Variants in TACC2 observed in about 807,000 individuals in gnomAD.
The protein encoded by TACC2 is transforming acidic coiled-coil-containing protein 2.
In TACC2, 137 loss-of-function variants were observed where a neutral mutation model predicts 227.3. The observed-to-expected ratio is 0.60, with a 90% confidence interval of 0.52 to 0.69. The LOEUF is 0.69. TACC2 is among the 30% of genes least tolerant of loss of function. The probability of loss-of-function intolerance (pLI) is 0.00; values close to 1 mark genes in which losing one functional copy is unlikely to be tolerated. For synonymous variants in TACC2, 1,523 were observed against 1,487.5 expected, an observed-to-expected ratio of 1.02 and a Z score of -0.55; for missense variants, 3,470 against 3,694.4, an observed-to-expected ratio of 0.94 and a Z score of 1.57.
chr10:122,163,669 A>ACGCCGGCCACACTCGGGCGCG (rs1438044752), intron 7 of TACC2: 58,579 of 1,039,906 alleles, frequency 0.056, 2,099 homozygotes, highest in Non-Finnish European at 0.063. Flanking sequence ...AGAGCCGCGC[A>ACGCCGGCCACACTCGGGCGCG]CGCCGGCCAC....
chr10:122,008,264 A>ATTATTTT lies in TACC2; in HGVS notation c.-45-13671_-45-13670insATTTTTT. 3.0e-3 allele frequency among the ~76,000 whole-genome samples: 399 copies of ATTATTTT among 134,640 alleles called. 1 individual carries two copies. Among genetic ancestry groups the ATTATTTT allele is most frequent in the African/African-American group, 0.011 (391 of 35,596 alleles). The allele number at this position is 134,640 out of a possible 152,430, so 88.3% of individuals were successfully genotyped here. On this transcript the variant is annotated intron_variant, in intron 1 of 22. Transcript: ENST00000369005. ...TCCCTTTGTTATTATTATTATTATTATTTTTTTTTTTTGAGACAGAATTTT... is the reference window on the plus strand; with the variant it reads ...TCCCTTTGTTATTATTATTATTATTATTATTTTTTTTTTTTTTTTGAGACAGAATTTT...
intron 7 of TACC2, among the ~76,000 whole-genome samples, chr10:122,182,891 C>T (rs914775342): frequency 2.0e-5 from 3 of 152,092 alleles, no homozygotes; most frequent in African/African-American, 4.8e-5. Flanking sequence ...AAGATACATT[C>T]GATGTAAACA....
chr10:122,115,889 G>A (rs779429528), intron 5 of TACC2, among the ~76,000 whole-genome samples: 1 of 152,152 alleles, frequency 6.6e-6, no homozygotes, highest in Non-Finnish European at 1.5e-5. Context: ...TAGGAAGCTG[G>A]CAATAAAATC....
intron 1 of TACC2, among the ~76,000 whole-genome samples, chr10:122,010,618 A>G (rs894183635): frequency 6.6e-6 from 1 of 152,158 alleles, no homozygotes; most frequent in Non-Finnish European, 1.5e-5. Flanking sequence ...CACTCAAGGG[A>G]CCATGCCAGT....
chr10:122,143,977 G>A (rs1039912290), intron 7 of TACC2, among the ~76,000 whole-genome samples: 1 of 152,190 alleles, frequency 6.6e-6, no homozygotes, highest in Non-Finnish European at 1.5e-5. Context: ...TGGATAGATG[G>A]ATGGATGATC....
At chr10:122,033,795 C>A (rs1392288681) in intron 2 of TACC2, among the ~76,000 whole-genome samples, 3 of 152,038 alleles carry the variant, frequency 2.0e-5, no homozygotes, top group Admixed American at 6.6e-5. Flanking sequence ...TCCTCACTAG[C>A]CTGCTCTGAA....
chr10:122,231,125 T>G (rs1382288931), intron 16 of TACC2, among the ~76,000 whole-genome samples: 1 of 152,240 alleles, frequency 6.6e-6, no homozygotes, highest in Non-Finnish European at 1.5e-5. Context: ...ATTCCTAGTT[T>G]TAGCATGGAG....
intron 7 of TACC2, chr10:122,163,489 C>A: frequency 1.2e-6 from 1 of 868,236 alleles, no homozygotes; most frequent in Non-Finnish European, 1.4e-6. Context: ...TCCCCACCCC[C>A]AGCCCCGTTT....
At chr10:122,068,188 A>G (rs2077594878) in intron 3 of TACC2, among the ~76,000 whole-genome samples, 1 of 152,026 alleles carries the variant, frequency 6.6e-6, no homozygotes, top group South Asian at 2.1e-4. Flanking sequence ...TCTTTTTTAC[A>G]TCTTCCCTCT....
In TACC2 at chr10:122,215,493, G is replaced by C. The variant is rs182738208; in HGVS notation, c.7344+42G>C. 71 of 1,551,458 alleles carry C rather than the reference G, an allele frequency of 4.6e-5. No individual in the cohort carries two copies. In the South Asian group the frequency reaches 7.0e-4, roughly 15 times the overall value. ...ATCTTGATGGTTTTATGCCCCCCCC[G>C]GGGGAGGTTTTCTTCGCTTGTTGAC... On this transcript the variant is annotated intron_variant, in intron 10 of 22. Coordinates refer to ENST00000369005, the MANE Select transcript of TACC2 (RefSeq NM_206862.4).
At chr10:122,178,729 C>CA (rs571297243) in intron 7 of TACC2, among the ~76,000 whole-genome samples, 9 of 152,050 alleles carry the variant, frequency 5.9e-5, no homozygotes, top group South Asian at 2.1e-4. Context: ...ACTAAAATTA[C>CA]AAAAAATCAG....
chr10:122,244,339 TCTCA>T (rs2096065582), intron 19 of TACC2, among the ~76,000 whole-genome samples: 1 of 152,224 alleles, frequency 6.6e-6, no homozygotes, highest in Non-Finnish European at 1.5e-5. Flanking sequence ...CAGAGGGGCA[TCTCA>T]CTGTGTGTCC....
At chr10:122,036,540 C>T (rs1960459931) in intron 2 of TACC2, among the ~76,000 whole-genome samples, 1 of 148,588 alleles carries the variant, frequency 6.7e-6, no homozygotes, top group African/African-American at 2.5e-5. Context: ...CGCTCTGTTA[C>T]CCAGGCTGGA....
chr10:122,008,596 G>A (rs1298255580), intron 1 of TACC2, among the ~76,000 whole-genome samples: 2 of 150,090 alleles, frequency 1.3e-5, no homozygotes, highest in African/African-American at 4.9e-5. Context: ...TTTTTGAGAT[G>A]GAGTCTCACT....
chr10:122,192,910 C>G, intron 7 of TACC2: 2 of 384,850 alleles, frequency 5.2e-6, no homozygotes, highest in Admixed American at 5.7e-5. Context: ...CAGGGCTCGC[C>G]AGGCTGATCT....
At chr10:122,036,064 G>T (rs1960212526) in intron 2 of TACC2, among the ~76,000 whole-genome samples, 1 of 152,210 alleles carries the variant, frequency 6.6e-6, no homozygotes, top group African/African-American at 2.4e-5. Context: ...TTTCACTTCT[G>T]TGACTGGGTT....
At chr10:122,081,165 T>C (rs1406493052) in intron 3 of TACC2, among the ~76,000 whole-genome samples, 2 of 138,976 alleles carry the variant, frequency 1.4e-5, no homozygotes, top group Non-Finnish European at 3.1e-5. Flanking sequence ...TTTTTTCTGA[T>C]TTTTTTTTCC....
intron 2 of TACC2, among the ~76,000 whole-genome samples, chr10:122,048,543 G>C (rs1362355153): frequency 6.8e-6 from 1 of 147,116 alleles, no homozygotes; most frequent in Non-Finnish European, 1.5e-5. Context: ...CTGTTTTGTA[G>C]AGATGGGTTT....
At chr10:122,054,061 G>A (rs2075980290) in intron 3 of TACC2, among the ~76,000 whole-genome samples, 1 of 152,202 alleles carries the variant, frequency 6.6e-6, no homozygotes, top group South Asian at 2.1e-4. Context: ...GCAGCATGAT[G>A]TAATCTACCT....
Sources: gnomAD v4.1 joint callset for allele counts (sites outside exome capture counted in the v4.1 genomes callset) on GRCh38, gnomAD v4.1.1 for gene constraint, MANE v1.5 for transcripts, NCBI Gene and HGNC (gene_info 2026-07-23, HGNC 2026-07-21) for gene names.